Variants in FAT3 observed in about 807,000 individuals in gnomAD.
FAT3 encodes FAT atypical cadherin 3, also known as protocadherin Fat 3.
FAT3 carries 95 observed loss-of-function variants against 310.2 expected under a neutral mutation model. That is an observed-to-expected ratio of 0.31 (90% CI 0.26 to 0.36). The LOEUF (loss-of-function observed/expected upper bound fraction) is 0.36, where lower values mean the gene tolerates loss of function less well. FAT3 is among the 10% of genes least tolerant of loss of function. The pLI, the probability that FAT3 is intolerant of heterozygous loss-of-function variation, is 1.00. For missense variants in FAT3, 5,408 were observed against 5,715.6 expected, an observed-to-expected ratio of 0.95 and a Z score of 1.74; for synonymous variants, 2,314 against 2,192.9, an observed-to-expected ratio of 1.06 and a Z score of -1.54.
intron 2 of FAT3, among the ~76,000 whole-genome samples, chr11:92,458,779 G>T (rs2135099716): frequency 6.6e-6 from 1 of 152,170 alleles, no homozygotes; most frequent in African/African-American, 2.4e-5. Flanking sequence ...CTTGATCTTG[G>T]CCCTGAGCAG....
At chr11:92,723,712 GCA>G (rs1290560473) in intron 4 of FAT3, among the ~76,000 whole-genome samples, 1 of 152,150 alleles carries the variant, frequency 6.6e-6, no homozygotes. Context: ...AAGGTGAAAG[GCA>G]CATCTTATGT....
intron 4 of FAT3, among the ~76,000 whole-genome samples, chr11:92,738,103 G>A (rs1040815826): frequency 6.6e-6 from 1 of 152,080 alleles, no homozygotes; most frequent in Non-Finnish European, 1.5e-5. Flanking sequence ...GAGAATTAAA[G>A]GTCTTAAGGT....
chr11:92,624,871 G>T (rs191119487), intron 3 of FAT3, among the ~76,000 whole-genome samples: 1 of 152,320 alleles, frequency 6.6e-6, no homozygotes, highest in Non-Finnish European at 1.5e-5. Context: ...GAGACGATCT[G>T]TTCAAAGCTG....
chr11:92,749,825 A>G (rs1398934310), intron 4 of FAT3, among the ~76,000 whole-genome samples: 1 of 152,226 alleles, frequency 6.6e-6, no homozygotes, highest in East Asian at 1.9e-4. Context: ...CTACCCATAG[A>G]GACTGTGCTC....
At chr11:92,472,724 A>G (rs2135156248) in intron 2 of FAT3, among the ~76,000 whole-genome samples, 1 of 152,352 alleles carries the variant, frequency 6.6e-6, no homozygotes, top group South Asian at 2.1e-4. Flanking sequence ...TGTAAACACG[A>G]CATAGCTGTC....
intron 1 of FAT3, among the ~76,000 whole-genome samples, chr11:92,322,120 A>G (rs572980502): frequency 6.6e-6 from 1 of 152,328 alleles, no homozygotes; most frequent in Admixed American, 6.5e-5. Context: ...ACACCAATAC[A>G]GCCCTACCTT....
chr11:92,597,447 A>C (rs573970590), intron 3 of FAT3, among the ~76,000 whole-genome samples: 1 of 152,308 alleles, frequency 6.6e-6, no homozygotes, highest in East Asian at 1.9e-4. Flanking sequence ...CTGTGGCTCC[A>C]GCCAAGCTCT....
chr11:92,263,527 TGAA>T (rs1207241680), intron 1 of FAT3, among the ~76,000 whole-genome samples: 1 of 152,054 alleles, frequency 6.6e-6, no homozygotes, highest in East Asian at 1.9e-4. Context: ...CTTTCTGATG[TGAA>T]GATTACAGGA....
At chr11:92,685,687 A>C (rs773558343) in intron 3 of FAT3, among the ~76,000 whole-genome samples, 1 of 151,834 alleles carries the variant, frequency 6.6e-6, no homozygotes, top group Non-Finnish European at 1.5e-5. Context: ...TGTGCTAAGC[A>C]CAAAAGATAC....
intron 3 of FAT3, among the ~76,000 whole-genome samples, chr11:92,552,954 A>G (rs1027591732): frequency 7.3e-6 from 1 of 136,974 alleles, no homozygotes; most frequent in Non-Finnish European, 1.6e-5. Context: ...GTTCAAACAA[A>G]AAAAAATAAA....
chr11:92,554,532 T>C (rs1424845210), intron 3 of FAT3, among the ~76,000 whole-genome samples: 1 of 142,988 alleles, frequency 7.0e-6, no homozygotes, highest in Non-Finnish European at 1.5e-5. Context: ...ACTGTCTATT[T>C]CAAAGCCATT....
rs544165171 is a variant in FAT3, at chr11:92,803,578, C to CTCAG, written c.8897-1574_8897-1571dup. 1.3e-4 allele frequency among the ~76,000 whole-genome samples: 20 copies of CTCAG among 152,258 alleles called. No individual in the cohort carries two copies. In the South Asian group the frequency reaches 3.5e-3, roughly 27 times the overall value. On this transcript the variant is annotated intron_variant, in intron 10 of 27. Transcript: ENST00000525166. The stretch of plus-strand genomic sequence containing the variant: ...CCTGAAGCTCCCTAGAGCAGGGTTG[C>CTCAG]TCAGCCACACCGCTATTGACATATG...
intron 3 of FAT3, among the ~76,000 whole-genome samples, chr11:92,624,810 G>A (rs543051023): frequency 6.6e-6 from 1 of 152,306 alleles, no homozygotes; most frequent in Non-Finnish European, 1.5e-5. Context: ...CTGGAGGCCA[G>A]AATTCTGAAA....
chr11:92,838,028 G>A (rs928355183), intron 17 of FAT3, among the ~76,000 whole-genome samples: 106 of 152,260 alleles, frequency 7.0e-4, no homozygotes, highest in African/African-American at 2.5e-3. Flanking sequence ...GGTGCTTTAT[G>A]CACTCTGTCT....
At chr11:92,445,512 A>G (rs868614349) in intron 2 of FAT3, among the ~76,000 whole-genome samples, 2 of 152,176 alleles carry the variant, frequency 1.3e-5, no homozygotes, top group Non-Finnish European at 1.5e-5. Context: ...CACATTACTC[A>G]GAGAACAGAG....
chr11:92,641,989 C>T (rs949731975), intron 3 of FAT3, among the ~76,000 whole-genome samples: 2 of 152,164 alleles, frequency 1.3e-5, no homozygotes, highest in Non-Finnish European at 2.9e-5. Flanking sequence ...TTGTAGAAGC[C>T]GTTTGAGGAA....
At chr11:92,758,088 G>A (rs190337511) in intron 4 of FAT3, among the ~76,000 whole-genome samples, 1 of 152,090 alleles carries the variant, frequency 6.6e-6, no homozygotes, top group Non-Finnish European at 1.5e-5. Flanking sequence ...GTGTCTGAAT[G>A]TTCTTTTCAC....
At chr11:92,455,810 C>A (rs1387956161) in intron 2 of FAT3, among the ~76,000 whole-genome samples, 1 of 152,036 alleles carries the variant, frequency 6.6e-6, no homozygotes, top group Non-Finnish European at 1.5e-5. Context: ...AACTATTAGC[C>A]CAATAAACAC....
chr11:92,624,469 G>T (rs1217048072), intron 3 of FAT3, among the ~76,000 whole-genome samples: 1 of 152,200 alleles, frequency 6.6e-6, no homozygotes, highest in Non-Finnish European at 1.5e-5. Context: ...TAGGAGGGGT[G>T]CACTGAATGT....
Sources: allele counts gnomAD v4.1 joint callset (sites outside exome capture counted in the v4.1 genomes callset), GRCh38; gene constraint gnomAD v4.1.1; transcripts MANE v1.5; gene names NCBI Gene and HGNC (gene_info 2026-07-23, HGNC 2026-07-21).